The following PCDHGA2 variants were observed in gnomAD, a reference collection of about 807,000 sequenced individuals.
PCDHGA2 encodes protocadherin gamma subfamily A, 2.
In PCDHGA2, 40 loss-of-function variants were observed where a neutral mutation model predicts 59.2. The observed-to-expected ratio is 0.68, with a 90% confidence interval of 0.52 to 0.88. PCDHGA2 has a LOEUF of 0.88. Among genes scored for constraint, PCDHGA2 ranks in the 40% least tolerant of loss-of-function variants. PCDHGA2 has a pLI of 0.00. For missense variants in PCDHGA2, 1,226 were observed against 1,204.0 expected (o/e 1.02, Z -0.27); for synonymous variants, 560 against 526.0 (o/e 1.06, Z -0.89).
intron 1 of PCDHGA2, chr5:141,405,160 C>T (rs2094616263): frequency 6.2e-7 from 1 of 1,614,028 alleles, no homozygotes; most frequent in Non-Finnish European, 8.5e-7. Flanking sequence ...CTGGTGTGCC[C>T]ACCTCACACT....
chr5:141,409,205 A>G (rs766592481), intron 1 of PCDHGA2: 3 of 1,614,068 alleles, frequency 1.9e-6, no homozygotes, highest in Non-Finnish European at 1.7e-6. Context: ...TAAAGTAATC[A>G]TAGAAATCCT....
rs1221646532 is a variant in PCDHGA2, at chr5:141,366,822, TTCAGA to T, written c.2424+25428_2424+25432del. ...TTTCCTTTTTCATGTTTCTGTCATA[TTCAGA>T]ATCAGCTAGTTATGTAAATAGTGGA... On this transcript the variant is annotated intron_variant, in intron 1 of 3. Transcript: ENST00000394576. The T allele has an allele frequency of 2.6e-6, 4 of 1,538,856 alleles. No homozygotes were observed. The Admixed American group carries it at 8.0e-5, about 31-fold the overall frequency.
chr5:141,375,152 G>T, intron 1 of PCDHGA2: 2 of 1,613,930 alleles, frequency 1.2e-6, no homozygotes, highest in Non-Finnish European at 1.7e-6. Context: ...CAGAACAATT[G>T]CTGAAAGTGC....
Position 141,340,205 on chromosome 5 carries a change from A to G in PCDHGA2, c.1234A>G (p.Arg412Gly), listed in dbSNP as rs764351101. The G allele has an allele frequency of 8.5e-5, 138 of 1,614,076 alleles. 1 individual carries two copies. The Middle Eastern group carries it at 4.3e-3, about 50-fold the overall frequency. ...YRLVTTRALD[R>G]EQFSFYNITL... ...ACTGGTTACAACCAGAGCCCTTGAC[A>G]GGGAACAGTTTTCCTTTTACAACAT... The change falls in exon 1 of 4, where the codon AGG (arginine) becomes GGG (glycine). Residue 412 changes from arginine to glycine, a missense_variant. Transcript: ENST00000394576.
intron 1 of PCDHGA2, chr5:141,351,857 C>T (rs763835964): frequency 1.2e-6 from 2 of 1,613,232 alleles, no homozygotes; most frequent in Non-Finnish European, 1.7e-6. Flanking sequence ...GGCCAGGGAC[C>T]AGGGCTCCCC....
In PCDHGA2 at chr5:141,398,897, C is replaced by A. The variant is rs761364649; in HGVS notation, c.2424+57502C>A. On this transcript the variant is annotated intron_variant, in intron 1 of 3. Coordinates refer to ENST00000394576, the MANE Select transcript of PCDHGA2 (RefSeq NM_018915.4). The stretch of plus-strand genomic sequence containing the variant: ...GTCAGCCTTCGGGAAAACGTGCCAC[C>A]AGGCACCACTGTGTTGCAAGTGTCA... 6 of 1,613,932 alleles carry A rather than the reference C, an allele frequency of 3.7e-6. No homozygotes were observed. The South Asian group carries it at 6.6e-5, about 18-fold the overall frequency.
chr5:141,497,473 AGGT>A (rs2099776769), intron 2 of PCDHGA2, among the ~76,000 whole-genome samples: 1 of 151,750 alleles, frequency 6.6e-6, no homozygotes. Flanking sequence ...ATGGAGGAGA[AGGT>A]GCGGAACCTC....
intron 1 of PCDHGA2, among the ~76,000 whole-genome samples, chr5:141,433,653 T>C (rs1030084681): frequency 6.6e-6 from 1 of 152,024 alleles, no homozygotes; most frequent in Non-Finnish European, 1.5e-5. Flanking sequence ...CTGACCAACA[T>C]GGAGAAACCC....
At chr5:141,348,119 A>G (rs1758067701) in intron 1 of PCDHGA2, among the ~76,000 whole-genome samples, 1 of 152,234 alleles carries the variant, frequency 6.6e-6, no homozygotes, top group Admixed American at 6.5e-5. Context: ...TTATGAAATT[A>G]TTTTCACTCA....
chr5:141,427,103 G>A (rs1216465844), intron 1 of PCDHGA2: 3 of 457,888 alleles, frequency 6.6e-6, no homozygotes, highest in Non-Finnish European at 1.3e-5. Flanking sequence ...GTGTCAATGC[G>A]GAGATCACCT....
chr5:141,468,648 C>G (rs60206946), intron 1 of PCDHGA2: 27,626 of 151,800 alleles, frequency 0.18, 2,687 homozygotes, highest in Admixed American at 0.28. Flanking sequence ...GGGCGGATCA[C>G]AAGGTCAGGA....
intron 1 of PCDHGA2, 177 bp from the exon 2 acceptor site, chr5:141,494,630 C>T (rs991482599): frequency 5.8e-6 from 5 of 866,562 alleles, no homozygotes; most frequent in Non-Finnish European, 6.9e-6. Flanking sequence ...GTACCTCAGA[C>T]CTCTGAGACC....
Position 141,485,281 on chromosome 5 carries a change from A to G in PCDHGA2, c.2425-9526A>G. 4 of 1,614,156 alleles carry G rather than the reference A, an allele frequency of 2.5e-6. No individual in the cohort carries two copies. In the South Asian group the frequency reaches 3.3e-5, roughly 13 times the overall value. Reference sequence around the variant, plus strand: ...GTGGGCAGATCCGCTACCCGGTCCCAGAGGAGTCACAGGAAGGGACTTTTG... The same window carrying G: ...GTGGGCAGATCCGCTACCCGGTCCCGGAGGAGTCACAGGAAGGGACTTTTG... On this transcript the variant is annotated intron_variant, in intron 1 of 3. Coordinates refer to ENST00000394576, the MANE Select transcript of PCDHGA2 (RefSeq NM_018915.4). The surrounding 1 kb of genome is among the most constrained non-coding windows in gnomAD (Gnocchi z 5.7).
intron 2 of PCDHGA2, among the ~76,000 whole-genome samples, chr5:141,503,100 G>A (rs563699751): frequency 6.6e-6 from 1 of 151,592 alleles, no homozygotes; most frequent in South Asian, 2.1e-4. Context: ...TGGTCTGCCC[G>A]CCCCTGCCTC....
intron 1 of PCDHGA2, chr5:141,365,468 G>A: frequency 6.2e-7 from 1 of 1,613,972 alleles, no homozygotes; most frequent in Non-Finnish European, 8.5e-7. Flanking sequence ...TGGAGAAAAT[G>A]GTGAGATTGC....
intron 1 of PCDHGA2, chr5:141,400,747 G>T (rs2094069778): frequency 5.0e-6 from 3 of 602,662 alleles, no homozygotes; most frequent in African/African-American, 1.9e-5. Context: ...TTTGCTCTTA[G>T]CTTCCTCTCT....
At chr5:141,416,993 C>T (rs1230909560) in intron 1 of PCDHGA2, 1 of 151,494 alleles carries the variant, frequency 6.6e-6, no homozygotes, top group Non-Finnish European at 1.5e-5. Context: ...ATTGTGCATT[C>T]ATCTCAAATA....
chr5:141,417,963 A>C (rs1260025037), intron 1 of PCDHGA2: 1 of 1,613,258 alleles, frequency 6.2e-7, no homozygotes, highest in Non-Finnish European at 8.5e-7. Flanking sequence ...CCGATCCGCT[A>C]CTCGATTCCG....
chr5:141,500,124 A>G (rs1042231430), intron 2 of PCDHGA2, among the ~76,000 whole-genome samples: 2 of 151,656 alleles, frequency 1.3e-5, no homozygotes, highest in African/African-American at 2.4e-5. Flanking sequence ...GCCTTTTCAT[A>G]TATATCTTTC....
Sources: allele counts gnomAD v4.1 joint callset (sites outside exome capture counted in the v4.1 genomes callset), GRCh38; gene constraint gnomAD v4.1.1; non-coding constraint Gnocchi (gnomAD v3.1); transcripts MANE v1.5; gene names NCBI Gene and HGNC (gene_info 2026-07-23, HGNC 2026-07-21).